Variants in PCDHA4 observed in about 807,000 individuals in gnomAD.
PCDHA4 encodes the protein protocadherin alpha 4.
Under a neutral mutation model 61.4 loss-of-function variants are expected in PCDHA4, and 49 were observed. The ratio of observed to expected loss-of-function variants is 0.80; its 90% CI spans 0.63 to 1.01. PCDHA4 has a LOEUF of 1.01. Among genes scored for constraint, PCDHA4 ranks in the 50% least tolerant of loss-of-function variants. PCDHA4 has a pLI of 0.00. For missense variants in PCDHA4, 1,254 were observed against 1,235.8 expected (o/e 1.01, Z -0.22); for synonymous variants, 590 against 550.3 (o/e 1.07, Z -1.01).
chr5:140,839,339 G>C (rs2085813499), intron 1 of PCDHA4, among the ~76,000 whole-genome samples: 1 of 150,974 alleles, frequency 6.6e-6, no homozygotes, highest in Non-Finnish European at 1.5e-5. Context: ...GAAGTTGATA[G>C]GGGATCCTCC....
At chr5:140,869,100 TGCGATGTTTGGTTTTCAGAGAAGG>T (rs1554162487) in intron 1 of PCDHA4, 1 of 1,596,924 alleles carries the variant, frequency 6.3e-7, no homozygotes, top group South Asian at 1.1e-5. Flanking sequence ...CAATTTCGTA[TGCGATGTTTGGTTTTCAGAGAAGG>T]GGATTGGGCA....
intron 1 of PCDHA4, among the ~76,000 whole-genome samples, chr5:140,887,198 G>A (rs1276345927): frequency 2.6e-5 from 4 of 151,490 alleles, no homozygotes; most frequent in Admixed American, 2.6e-4. Flanking sequence ...CCGGGTTCAC[G>A]CCATTCTCCT....
intron 1 of PCDHA4, chr5:140,857,533 G>T: frequency 6.3e-7 from 1 of 1,597,578 alleles, no homozygotes. Flanking sequence ...CTCTGGTGGA[G>T]CGGCGGTTGG....
rs1562221741 is a variant in PCDHA4 at position 140,809,014 on chromosome 5, C to A, written c.1827C>A (p.Tyr609Ter). ...CGGGCTACAACGCGTGGCTTTCGTA[C>A]GAGCTGCAGCCGGGGACTGGTGGCG... Reference protein sequence around the residue: ...ADSGYNAWLSYELQPGTGGAR... With the variant: ...ADSGYNAWLS Residue 609 changes from tyrosine (Y) to a stop codon, truncating the protein, a stop_gained, in exon 1 of 4, where the codon TAC (tyrosine) becomes TAA (stop). Transcript: ENST00000530339. LOFTEE classifies it high-confidence loss of function. 11 of 1,613,716 alleles carry A rather than the reference C, an allele frequency of 6.8e-6. No individual in the cohort carries two copies. Among genetic ancestry groups the A allele is most frequent in the Non-Finnish European group, 9.3e-6 (11 of 1,179,770 alleles).
At chr5:140,969,485 T>C (rs1485555970) in intron 1 of PCDHA4, 4 of 1,461,452 alleles carry the variant, frequency 2.7e-6, no homozygotes, top group African/African-American at 2.9e-5. Flanking sequence ...CATAATCTGC[T>C]ATTTCCTCTC....
intron 1 of PCDHA4, chr5:140,966,542 G>A (rs926112867): frequency 3.7e-5 from 17 of 464,420 alleles, no homozygotes; most frequent in African/African-American, 1.8e-4. Flanking sequence ...GAGCGACTCG[G>A]AGGCGAGCGG....
At chr5:140,828,799 T>A in intron 1 of PCDHA4, 1 of 1,614,228 alleles carries the variant, frequency 6.2e-7, no homozygotes, top group Non-Finnish European at 8.5e-7. Flanking sequence ...TGGATGTGAA[T>A]GATAATGCTC....
intron 1 of PCDHA4, chr5:140,926,964 C>G (rs149218057): frequency 1.9e-6 from 3 of 1,606,346 alleles, no homozygotes; most frequent in African/African-American, 2.7e-5. Flanking sequence ...AGCTCGAGTA[C>G]TCAGTGCCGG....
At chr5:140,943,139 T>A (rs2093424349) in intron 1 of PCDHA4, among the ~76,000 whole-genome samples, 2 of 151,168 alleles carry the variant, frequency 1.3e-5, no homozygotes, top group Admixed American at 6.6e-5. Context: ...GTGCCTGTAG[T>A]CCCAGCTACT....
chr5:140,824,302 G>A (rs1254375286), intron 1 of PCDHA4: 3 of 834,792 alleles, frequency 3.6e-6, no homozygotes, highest in East Asian at 2.5e-5. Flanking sequence ...TTCTGCTGGG[G>A]TAATAGATTC....
intron 1 of PCDHA4, among the ~76,000 whole-genome samples, chr5:140,880,418 G>T (rs1554171267): frequency 6.6e-6 from 1 of 152,090 alleles, no homozygotes; most frequent in Non-Finnish European, 1.5e-5. Flanking sequence ...CTTAAAAGCG[G>T]GAACAGTTTT....
chr5:140,954,161 C>G (rs2094990748), intron 1 of PCDHA4, among the ~76,000 whole-genome samples: 1 of 152,200 alleles, frequency 6.6e-6, no homozygotes, highest in African/African-American at 2.4e-5. Context: ...ATATGTACCA[C>G]ATTTTCTTTA....
intron 1 of PCDHA4, among the ~76,000 whole-genome samples, chr5:140,905,614 A>T (rs1167406063): frequency 6.6e-6 from 1 of 152,094 alleles, no homozygotes; most frequent in Non-Finnish European, 1.5e-5. Flanking sequence ...GAATCTATAG[A>T]TTGCTTTTGA....
In PCDHA4 at chr5:140,843,250, G is replaced by C; in HGVS notation, c.2385+33678G>C. The stretch of plus-strand genomic sequence containing the variant: ...GTGTCCTGGACGAAGCGGACTCTCC[G>C]CGCCACCGTCTGCTGGTCCTGGTGA... On this transcript the variant is annotated intron_variant, in intron 1 of 3. Transcript: ENST00000530339. 14 of 1,596,012 alleles carry C rather than the reference G, an allele frequency of 8.8e-6. 3 individuals carry two copies. Among genetic ancestry groups the C allele is most frequent in the Non-Finnish European group, 1.1e-5 (13 of 1,165,570 alleles).
intron 1 of PCDHA4, chr5:140,868,232 C>T (rs1176693366): frequency 6.6e-6 from 1 of 152,032 alleles, no homozygotes; most frequent in Non-Finnish European, 1.5e-5. Flanking sequence ...AAAAACTCAT[C>T]TAGATCAATA....
Position 140,843,523 on chromosome 5 carries a change from G to A in PCDHA4, c.2385+33951G>A, listed in dbSNP as rs200202372. ...TGCCCACTGAGGGCGGGTGCCGGGCGGGCAAGCCCACTCTGGTGTGCTCCA... is the reference window on the plus strand; with the variant it reads ...TGCCCACTGAGGGCGGGTGCCGGGCAGGCAAGCCCACTCTGGTGTGCTCCA... On this transcript the variant is annotated intron_variant, in intron 1 of 3. Coordinates refer to ENST00000530339, the MANE Select transcript of PCDHA4 (RefSeq NM_018907.4). 1.7e-4 allele frequency: 278 copies of A among 1,595,788 alleles called. 33 individuals carry two copies. The highest frequency in any genetic ancestry group is 2.3e-4 in the Non-Finnish European group (265 of 1,165,554).
At position 140,914,532 on chromosome 5, in the gene PCDHA4, A is replaced by G. The variant is rs1440968686; in HGVS notation, c.2386-64417A>G. ...GTCATGTTTTTTCATCCATTCAGCC[A>G]CTTTATTTCTTTTTATTGGAGAGTT... On this transcript the variant is annotated intron_variant, in intron 1 of 3. Coordinates refer to ENST00000530339, the MANE Select transcript of PCDHA4 (RefSeq NM_018907.4). Among the ~76,000 whole-genome samples the G allele has an allele frequency of 3.3e-5, 5 of 152,070 alleles. 1 individual carries two copies. Among genetic ancestry groups the G allele is most frequent in the Admixed American group, 3.3e-4 (5 of 15,252 alleles).
intron 1 of PCDHA4, chr5:140,822,835 C>T: frequency 1.9e-6 from 3 of 1,614,198 alleles, no homozygotes; most frequent in South Asian, 2.2e-5. Flanking sequence ...CATAACCACC[C>T]TTTTCCTGCC....
Position 140,807,795 on chromosome 5 carries a change from A to T in PCDHA4, c.608A>T (p.Glu203Val). Residue 203 changes from glutamate to valine, a missense_variant, in exon 1 of 4, where the codon GAA becomes GTA. Transcript: ENST00000530339. ...ATATTACGGAAATCTTTAGACAGAG[A>T]AGAAGCTCCGGAGATTTTTTTAGTG... The part of the protein sequence containing the change: ...GLILRKSLDR[E>V]EAPEIFLVLT... 1 of 1,614,158 alleles carries T rather than the reference A, an allele frequency of 6.2e-7. No homozygotes were observed. Among genetic ancestry groups the T allele is most frequent in the Non-Finnish European group, 8.5e-7 (1 of 1,180,042 alleles).
Sources: gnomAD v4.1 joint callset for allele counts (sites outside exome capture counted in the v4.1 genomes callset) on GRCh38, gnomAD v4.1.1 for gene constraint, MANE v1.5 for transcripts, NCBI Gene and HGNC (gene_info 2026-07-23, HGNC 2026-07-21) for gene names.